Variants in OSBPL10 observed in about 807,000 individuals in gnomAD.
OSBPL10 encodes the protein oxysterol binding protein like 10, also known as oxysterol-binding protein-related protein 10.
In OSBPL10, 49 loss-of-function variants were observed where a neutral mutation model predicts 81.7. That is an observed-to-expected ratio of 0.60 (90% confidence interval 0.48 to 0.76). The LOEUF (loss-of-function observed/expected upper bound fraction) is 0.76, where lower values mean the gene tolerates loss of function less well. OSBPL10 is among the 30% of genes least tolerant of loss of function. OSBPL10 has a pLI of 0.00. For missense variants in OSBPL10, 923 were observed against 987.8 expected (o/e 0.93, Z 0.88); for synonymous variants, 419 against 383.6 (o/e 1.09, Z -1.08).
chr3:31,863,208 A>C (rs994412660), intron 3 of OSBPL10, among the ~76,000 whole-genome samples: 1 of 152,210 alleles, frequency 6.6e-6, no homozygotes, highest in Non-Finnish European at 1.5e-5. Flanking sequence ...GAAATATCCA[A>C]AAGAGGCAAA....
intron 4 of OSBPL10, among the ~76,000 whole-genome samples, chr3:31,810,112 C>G (rs1699640741): frequency 6.6e-6 from 1 of 151,988 alleles, no homozygotes; most frequent in African/African-American, 2.4e-5. Flanking sequence ...CTTAGGTGAT[C>G]CACCCACCTC....
chr3:31,923,348 CAG>C (rs5847728), intron 1 of OSBPL10, among the ~76,000 whole-genome samples: 10,270 of 152,186 alleles, frequency 0.067, 462 homozygotes, highest in East Asian at 0.18. Context: ...TGATGCTAAT[CAG>C]AGTGAAAGTT....
chr3:31,815,909 C>T (rs1309770113), intron 4 of OSBPL10, among the ~76,000 whole-genome samples: 1 of 152,124 alleles, frequency 6.6e-6, no homozygotes, highest in Non-Finnish European at 1.5e-5. Flanking sequence ...ATTAAATTGC[C>T]ACGTGAGATA....
chr3:31,986,996 G>C (rs1698942811), intron 2 of OSBPL10, among the ~76,000 whole-genome samples: 1 of 152,136 alleles, frequency 6.6e-6, no homozygotes, highest in South Asian at 2.1e-4. Context: ...GACAGAGCAA[G>C]ACCCTATCTC....
At chr3:31,937,158 C>A (rs1023474256) in intron 1 of OSBPL10, among the ~76,000 whole-genome samples, 4 of 151,990 alleles carry the variant, frequency 2.6e-5, no homozygotes, top group Non-Finnish European at 5.9e-5. Context: ...GTGGCATGTG[C>A]CTGTAGTCCC....
intron 2 of OSBPL10, among the ~76,000 whole-genome samples, chr3:32,022,164 G>A (rs1699368204): frequency 1.3e-5 from 2 of 152,064 alleles, no homozygotes; most frequent in African/African-American, 4.8e-5. Context: ...CTGAAGTGTT[G>A]CATATAGATA....
chr3:31,778,707 C>T (rs1419941191), intron 4 of OSBPL10, among the ~76,000 whole-genome samples: 1 of 152,064 alleles, frequency 6.6e-6, no homozygotes, highest in African/African-American at 2.4e-5. Flanking sequence ...GCCCAAAGAA[C>T]ACCTGGGAAA....
At chr3:31,953,792 C>G (rs1418298596) in intron 1 of OSBPL10, among the ~76,000 whole-genome samples, 1 of 152,164 alleles carries the variant, frequency 6.6e-6, no homozygotes, top group Non-Finnish European at 1.5e-5. Flanking sequence ...AACTTTCAGA[C>G]AAGTCACCAT....
upstream of OSBPL10, among the ~76,000 whole-genome samples, chr3:31,983,692 G>A (rs1026318887): frequency 6.6e-6 from 1 of 152,162 alleles, no homozygotes; most frequent in African/African-American, 2.4e-5. Flanking sequence ...CTCACCCATG[G>A]AGTTATGGAT....
Position 32,048,297 on chromosome 3 carries a change from A to G in OSBPL10, n.186-1694T>C, listed in dbSNP as rs1699641013. On this transcript the variant is annotated intron_variant and non_coding_transcript_variant, in intron 1 of 3. Coordinates refer to the OSBPL10 transcript ENST00000479173. Reference sequence around the variant, plus strand: ...CTCATTATATACTGTCATCTCTCCTAGACACTACTACTATTTTTTTTTTTT... The same window carrying G: ...CTCATTATATACTGTCATCTCTCCTGGACACTACTACTATTTTTTTTTTTT... Among the ~76,000 whole-genome samples the G allele has an allele frequency of 2.9e-5, 4 of 138,780 alleles. No homozygotes were observed. The South Asian group carries it at 9.7e-4, about 34-fold the overall frequency. The allele number at this position is 138,780 out of a possible 152,430, so 91.0% of individuals were successfully genotyped here.
intron 4 of OSBPL10, among the ~76,000 whole-genome samples, chr3:31,782,745 C>T (rs1698729583): frequency 6.6e-6 from 1 of 152,148 alleles, no homozygotes; most frequent in African/African-American, 2.4e-5. Context: ...GAGATACCAC[C>T]TTATTCTGCA....
At chr3:31,682,032 C>T (rs1054490458) in intron 8 of OSBPL10, among the ~76,000 whole-genome samples, 3 of 152,178 alleles carry the variant, frequency 2.0e-5, no homozygotes, top group African/African-American at 7.2e-5. Flanking sequence ...GCAACACTTT[C>T]TCTCACACTC....
intron 3 of OSBPL10, among the ~76,000 whole-genome samples, chr3:31,848,319 A>G (rs1487546776): frequency 2.0e-5 from 3 of 150,684 alleles, no homozygotes; most frequent in African/African-American, 4.9e-5. Context: ...AGAATTTCAC[A>G]TCTCTCTTTC....
At chr3:31,974,056 T>C (rs560304193) in intron 1 of OSBPL10, among the ~76,000 whole-genome samples, 1 of 152,218 alleles carries the variant, frequency 6.6e-6, no homozygotes, top group Admixed American at 6.5e-5. Context: ...AAAGGGCGCA[T>C]ACCCAGAATA....
intron 1 of OSBPL10, among the ~76,000 whole-genome samples, chr3:31,928,751 A>G (rs931311520): frequency 7.5e-6 from 1 of 132,472 alleles, no homozygotes; most frequent in Non-Finnish European, 1.5e-5. Flanking sequence ...GGCGACAGTG[A>G]GACTTGTCTC....
At chr3:31,717,796 C>T (rs1241021390) in intron 6 of OSBPL10, among the ~76,000 whole-genome samples, 3 of 152,172 alleles carry the variant, frequency 2.0e-5, no homozygotes, top group Non-Finnish European at 4.4e-5. Context: ...CATTATTCCG[C>T]TGCCATAAAC....
At chr3:31,933,400 C>A (rs5002838) in intron 1 of OSBPL10, among the ~76,000 whole-genome samples, 72,683 of 151,462 alleles carry the variant, frequency 0.48, 17,664 homozygotes, top group East Asian at 0.7. Flanking sequence ...AAGGGGGAAA[C>A]AATAAATTTT....
At chr3:31,947,606 G>A (rs529765449) in intron 1 of OSBPL10, among the ~76,000 whole-genome samples, 8 of 152,258 alleles carry the variant, frequency 5.3e-5, no homozygotes, top group Non-Finnish European at 1.0e-4. Flanking sequence ...CAGGGCATGG[G>A]GTTGGGAGGT....
chr3:31,990,015 A>C (rs1699001779), intron 2 of OSBPL10: 1 of 1,614,184 alleles, frequency 6.2e-7, no homozygotes, highest in Non-Finnish European at 8.5e-7. Context: ...CTGGAGAGAA[A>C]CCTTACAAAT....
Sources: allele counts gnomAD v4.1 joint callset (sites outside exome capture counted in the v4.1 genomes callset), GRCh38; gene constraint gnomAD v4.1.1; transcripts MANE v1.5; gene names NCBI Gene and HGNC (gene_info 2026-07-23, HGNC 2026-07-21).